DIAPH2: variants seen among roughly 807,000 people sequenced by gnomAD.
DIAPH2 encodes diaphanous related formin 2.
A neutral mutation model predicts 92.7 loss-of-function variants in DIAPH2; 35 were observed. The observed-to-expected ratio is 0.38, with a 90% CI of 0.29 to 0.50. The LOEUF (loss-of-function observed/expected upper bound fraction) is 0.50. DIAPH2 is among the 20% of genes least tolerant of loss of function. The probability of loss-of-function intolerance (pLI) is 0.94; values close to 1 mark genes in which losing one functional copy is unlikely to be tolerated. For missense variants in DIAPH2, 701 were observed against 819.5 expected (o/e 0.86, Z 1.77); for synonymous variants, 301 against 280.4 (o/e 1.07, Z -0.73).
intron 22 of DIAPH2, among the ~76,000 whole-genome samples, chrX:97,193,260 C>T (rs755045748): frequency 7.2e-5 from 8 of 110,779 alleles, no homozygotes; most frequent in Non-Finnish European, 1.3e-4. Flanking sequence ...GCAATCCTCC[C>T]GCCTCAGTCT....
At chrX:96,825,894 A>G (rs773870963) in intron 4 of DIAPH2, among the ~76,000 whole-genome samples, 10 of 111,226 alleles carry the variant, frequency 9.0e-5, no homozygotes, top group African/African-American at 2.9e-4. Context: ...TCTACATCCT[A>G]TCTCTGAACT....
At chrX:97,591,461 T>C (rs1313051617) in intron 26 of DIAPH2, among the ~76,000 whole-genome samples, 1 of 112,390 alleles carries the variant, frequency 8.9e-6, no homozygotes, top group Non-Finnish European at 1.9e-5. Context: ...TTTCCTTTCC[T>C]TGTATTAATG....
chrX:96,967,347 C>A (rs1299580526), intron 17 of DIAPH2, among the ~76,000 whole-genome samples: 1 of 111,500 alleles, frequency 9.0e-6, no homozygotes, highest in African/African-American at 3.3e-5. Context: ...CCAGCTGCAT[C>A]CATGTTACTG....
intron 4 of DIAPH2, among the ~76,000 whole-genome samples, chrX:96,794,506 C>A (rs928617224): frequency 1.0e-5 from 1 of 97,905 alleles, no homozygotes; most frequent in African/African-American, 4.1e-5. Context: ...AGCCATTTTA[C>A]ACTCATTAAA....
At chrX:96,899,418 A>C (rs1368989199) in intron 5 of DIAPH2, among the ~76,000 whole-genome samples, 1 of 110,571 alleles carries the variant, frequency 9.0e-6, no homozygotes, top group Non-Finnish European at 1.9e-5. Context: ...AGTGGTTTGT[A>C]GTTCTCCTTG....
chrX:97,217,562 G>A (rs1387168658), intron 22 of DIAPH2, among the ~76,000 whole-genome samples: 1 of 111,980 alleles, frequency 8.9e-6, no homozygotes, highest in East Asian at 2.8e-4. Flanking sequence ...ATGCCCTGAG[G>A]GAAGGAGAGT....
intron 24 of DIAPH2, among the ~76,000 whole-genome samples, chrX:97,354,915 C>G (rs978356801): frequency 6.2e-5 from 7 of 112,164 alleles, no homozygotes; most frequent in Non-Finnish European, 1.3e-4. Flanking sequence ...TATGAAAATT[C>G]AAAAAAGGCT....
At chrX:96,932,196 C>G (rs775632101) in intron 10 of DIAPH2, among the ~76,000 whole-genome samples, 3 of 110,881 alleles carry the variant, frequency 2.7e-5, no homozygotes, top group Admixed American at 9.6e-5. Flanking sequence ...ATAGTAGCAT[C>G]TTTGAAGACT....
At chrX:97,503,490 T>C (rs2070812385) in intron 26 of DIAPH2, among the ~76,000 whole-genome samples, 1 of 111,496 alleles carries the variant, frequency 9.0e-6, no homozygotes, top group Admixed American at 9.6e-5. Flanking sequence ...CCAGAGAGGG[T>C]GAAGGGATTT....
chrX:97,413,018 C>G (rs1229071505), intron 25 of DIAPH2, among the ~76,000 whole-genome samples: 1 of 111,776 alleles, frequency 8.9e-6, no homozygotes, highest in Non-Finnish European at 1.9e-5. Context: ...CTATTCCAAT[C>G]AATAGAAAAA....
At chrX:96,888,152 C>A (rs1251263369) in intron 5 of DIAPH2, among the ~76,000 whole-genome samples, 1 of 109,319 alleles carries the variant, frequency 9.1e-6, no homozygotes, top group Non-Finnish European at 1.9e-5. Flanking sequence ...CCTCTGCCTC[C>A]CAGGTTCAAG....
intron 4 of DIAPH2, among the ~76,000 whole-genome samples, chrX:96,861,472 C>T (rs896887589): frequency 3.9e-4 from 44 of 111,581 alleles, no homozygotes; most frequent in Non-Finnish European, 5.8e-4. Context: ...ATTTCTGAAA[C>T]TCATCTGCTC....
chrX:96,884,478 C>T (rs1291562278), intron 5 of DIAPH2: 2 of 1,211,433 alleles, frequency 1.7e-6, no homozygotes, highest in Non-Finnish European at 1.1e-6. Context: ...AGCTTCTCAG[C>T]TCTACTGTGT....
intron 25 of DIAPH2, among the ~76,000 whole-genome samples, chrX:97,384,928 G>A (rs368046307): frequency 9.0e-6 from 1 of 110,614 alleles, no homozygotes; most frequent in East Asian, 2.8e-4. Flanking sequence ...TAGCAAGAGT[G>A]ACTGTATATT....
At chrX:97,408,784 A>G (rs1045337830) in intron 25 of DIAPH2, among the ~76,000 whole-genome samples, 1 of 111,853 alleles carries the variant, frequency 8.9e-6, no homozygotes, top group African/African-American at 3.2e-5. Flanking sequence ...TTTAGAATTT[A>G]TGTGTATCTT....
chrX:96,696,738 A>T (rs915473496), intron 1 of DIAPH2, among the ~76,000 whole-genome samples: 2 of 111,918 alleles, frequency 1.8e-5, no homozygotes, highest in African/African-American at 6.5e-5. Flanking sequence ...CTTCCCAGAG[A>T]TGATTCTCAA....
intron 17 of DIAPH2, among the ~76,000 whole-genome samples, chrX:96,969,478 A>AT (rs145025686): frequency 0.017 from 1,654 of 95,527 alleles, 18 homozygotes; most frequent in African/African-American, 0.034. Flanking sequence ...TAGGTATTTC[A>AT]TTTTTTTTTT....
chrX:97,398,890 G>C (rs981587981), intron 25 of DIAPH2, among the ~76,000 whole-genome samples: 2 of 109,422 alleles, frequency 1.8e-5, no homozygotes, highest in Non-Finnish European at 3.8e-5. Context: ...GGGATTACAG[G>C]CACCCACCAC....
chrX:96,821,736 A>G (rs1277171855), intron 4 of DIAPH2, among the ~76,000 whole-genome samples: 2 of 111,732 alleles, frequency 1.8e-5, no homozygotes, highest in East Asian at 2.8e-4. Context: ...AGACTGCAGT[A>G]TTTATTTGGT....
Sources: gnomAD v4.1 joint callset for allele counts (sites outside exome capture counted in the v4.1 genomes callset) on GRCh38, gnomAD v4.1.1 for gene constraint, MANE v1.5 for transcripts, NCBI Gene and HGNC (gene_info 2026-07-23, HGNC 2026-07-21) for gene names.